Variants in RGP1 observed in about 807,000 individuals in gnomAD.
The protein encoded by RGP1 is RAB6A-GEF complex partner protein 2.
A neutral mutation model predicts 44.5 loss-of-function variants in RGP1; 28 were observed. The observed-to-expected ratio is 0.63, with a 90% CI of 0.47 to 0.86. The LOEUF (loss-of-function observed/expected upper bound fraction) is 0.86. Ranked by LOEUF, RGP1 falls within the 40% of genes least tolerant of loss-of-function variation. The pLI is 0.00. For missense variants in RGP1, 417 were observed against 490.7 expected (o/e 0.85, Z 1.42); for synonymous variants, 212 against 196.7 (o/e 1.08, Z -0.65).
rs1827207232 is a variant in RGP1 at position 35,749,933 on chromosome 9, C to A, written c.116+62C>A. The A allele has an allele frequency of 3.1e-6, 4 of 1,292,664 alleles. No homozygotes were observed. Among genetic ancestry groups the A allele is most frequent in the African/African-American group, 3.0e-5 (2 of 67,552 alleles). 80.1% of individuals were successfully genotyped at this position (1,292,664 alleles called of 1,614,324 possible). On this transcript the variant is annotated intron_variant, in intron 2 of 8. Transcript: ENST00000378078. The surrounding 1 kb of genome is among the most constrained non-coding windows in gnomAD (Gnocchi z 4.4). ...GGAAGAAGCCAGATTATCTCTGGGGCTGAGGCAGAGCTCAGGTTGTCCTGT... is the reference window on the plus strand; with the variant it reads ...GGAAGAAGCCAGATTATCTCTGGGGATGAGGCAGAGCTCAGGTTGTCCTGT...
At chr9:35,774,206 A>G in the RGP1 span, among the ~76,000 whole-genome samples, 1 of 152,284 alleles carries the variant, frequency 6.6e-6, no homozygotes, top group Non-Finnish European at 1.5e-5. Context: ...CCCCAGTTCT[A>G]CCACTGCTGG....
At chr9:35,771,825 A>G in the RGP1 span, among the ~76,000 whole-genome samples, 1 of 152,208 alleles carries the variant, frequency 6.6e-6, no homozygotes, top group African/African-American at 2.4e-5. Context: ...TTTTTTCTCT[A>G]TCTTCCGTTT....
the RGP1 span, among the ~76,000 whole-genome samples, chr9:35,770,638 T>G: frequency 6.6e-6 from 1 of 151,996 alleles, no homozygotes; most frequent in Non-Finnish European, 1.5e-5. Context: ...GAGAAAGAGC[T>G]GCCAGCTGGT....
At position 35,750,744 on chromosome 9, in the gene RGP1, G is replaced by A; in HGVS notation, c.337+3G>A. ...TGATCCTGGAGAGTCCAAATCATGT[G>A]AGTGATTGTCCCCATCCCTGAATTG... is the stretch of plus-strand genomic sequence containing the variant. On this transcript the variant is annotated splice_donor_region_variant and intron_variant, in intron 4 of 8. Coordinates refer to ENST00000378078, the MANE Select transcript of RGP1 (RefSeq NM_001080496.3). 2 of 1,613,896 alleles carry A rather than the reference G, an allele frequency of 1.2e-6. No homozygotes were observed. The highest frequency in any genetic ancestry group is 1.1e-5 in the South Asian group (1 of 91,080).
chr9:35,750,670 A>G lies in RGP1; in HGVS notation c.266A>G (p.Gln89Arg). The change falls in exon 4 of 9, where the codon CAG becomes CGG. Residue 89 changes from glutamine (Q) to arginine (R), a missense_variant. Physicochemically the swap from Gln to Arg is conservative, Grantham distance 43. Coordinates refer to ENST00000378078, the MANE Select transcript of RGP1 (RefSeq NM_001080496.3). ...VFLPHRGERG[Q>R]CILSTPPKIL... ...TTACCTTTTTCAGGTGAGAGGGGCC[A>G]GTGTATCCTTTCTACTCCACCGAAA... is the stretch of plus-strand genomic sequence containing the variant. 1.2e-6 allele frequency: 2 copies of G among 1,613,960 alleles called. No homozygotes were observed.
the RGP1 span, among the ~76,000 whole-genome samples, chr9:35,767,019 A>C: frequency 1.3e-5 from 2 of 152,214 alleles, no homozygotes; most frequent in African/African-American, 4.8e-5. Flanking sequence ...GTGATTTCTC[A>C]AAACCTCAGT....
the RGP1 span, among the ~76,000 whole-genome samples, chr9:35,782,260 C>T: frequency 2.0e-5 from 3 of 151,800 alleles, no homozygotes; most frequent in African/African-American, 4.8e-5. Flanking sequence ...GTAAAGGTGC[C>T]GTTAGAAAAT....
rs1588032952 is a variant in RGP1 at position 35,749,328 on chromosome 9, G to A, written c.-100G>A. 1 of 528,792 alleles carries A rather than the reference G, an allele frequency of 1.9e-6. No individual in the cohort carries two copies. The highest frequency in any genetic ancestry group is 1.4e-5 in the South Asian group (1 of 70,988). The allele number at this position is 528,792 out of a possible 1,614,324, so 32.8% of individuals were successfully genotyped here. ...CCCAGCGGACGCCGCCGCCGCCGCCGCCGCCGCGTACCTAGCCAGGTCCCT... is the reference window on the plus strand; with the variant it reads ...CCCAGCGGACGCCGCCGCCGCCGCCACCGCCGCGTACCTAGCCAGGTCCCT... On this transcript the variant is annotated 5_prime_UTR_variant, in exon 1 of 9. Coordinates refer to ENST00000378078, the MANE Select transcript of RGP1 (RefSeq NM_001080496.3). This position sits in a 1 kb window ranked among gnomAD's most constrained non-coding sequence, Gnocchi z 4.4.
chr9:35,751,510 A>G (rs1334708821), intron 6 of RGP1, 98 bp downstream of exon 6: 2 of 1,595,782 alleles, frequency 1.3e-6, no homozygotes, highest in East Asian at 2.2e-5. Flanking sequence ...CTGTGGATCC[A>G]CTGATACCTG....
At chr9:35,789,635 G>A in the RGP1 span, among the ~76,000 whole-genome samples, 8,322 of 149,682 alleles carry the variant, frequency 0.056, 458 homozygotes, top group African/African-American at 0.14. Context: ...TCAGAATAAT[G>A]ACATATGATG....
chr9:35,787,486 T>A, the RGP1 span, among the ~76,000 whole-genome samples: 1 of 152,218 alleles, frequency 6.6e-6, no homozygotes, highest in Non-Finnish European at 1.5e-5. Context: ...TGCCTTGGCC[T>A]CCCAAAGTGC....
rs758848388 is a variant in RGP1 at position 35,753,307 on chromosome 9, G to A, written c.*433G>A. The A allele has an allele frequency of 1.2e-6, 2 of 1,606,468 alleles. No homozygotes were observed. Among genetic ancestry groups the A allele is most frequent in the East Asian group, 2.2e-5 (1 of 44,826 alleles). ...TGGGGAACCAAGGATAGGGGAAGGA[G>A]TCAGCACAGTGAAAGGCTGCCTTTA... On this transcript the variant is annotated 3_prime_UTR_variant, in exon 9 of 9. Coordinates refer to ENST00000378078, the MANE Select transcript of RGP1 (RefSeq NM_001080496.3). This position sits in a 1 kb window ranked among gnomAD's most constrained non-coding sequence, Gnocchi z 4.2.
the RGP1 span, chr9:35,772,291 A>C: frequency 1.3e-5 from 2 of 152,268 alleles, no homozygotes; most frequent in African/African-American, 4.8e-5. Context: ...GCTCAGAGGA[A>C]GAAGAGGATC....
Position 35,751,674 on chromosome 9 carries a change from A to G in RGP1, c.682A>G (p.Ile228Val), listed in dbSNP as rs1276676227. ...DGRGKVGTFG[I>V]FKSVYRLGED... Reference sequence around the variant, plus strand: ...CCGAGGGAAAGTTGGGACGTTTGGCATCTTCAAATCTGTGTACAGACTTGG... The same window carrying G: ...CCGAGGGAAAGTTGGGACGTTTGGCGTCTTCAAATCTGTGTACAGACTTGG... Residue 228 changes from isoleucine (I) to valine (V), a missense_variant, in exon 7 of 9, where the codon ATC becomes GTC. Transcript: ENST00000378078. The G allele has an allele frequency of 5.6e-6, 9 of 1,613,868 alleles. No individual in the cohort carries two copies. Among genetic ancestry groups the G allele is most frequent in the Non-Finnish European group, 7.6e-6 (9 of 1,179,884 alleles).
At chr9:35,766,147 TAA>T in the RGP1 span, among the ~76,000 whole-genome samples, 232 of 125,086 alleles carry the variant, frequency 1.9e-3, no homozygotes, top group Non-Finnish European at 2.4e-3. Context: ...GTCAGTTTCT[TAA>T]AAAAAAAAAA....
the RGP1 span, among the ~76,000 whole-genome samples, chr9:35,776,103 G>C: frequency 6.6e-6 from 1 of 152,172 alleles, no homozygotes; most frequent in Non-Finnish European, 1.5e-5. Context: ...AGACAGTTTA[G>C]CTACCCTCAG....
the RGP1 span, among the ~76,000 whole-genome samples, chr9:35,783,417 ACTC>A: frequency 6.6e-6 from 1 of 151,466 alleles, no homozygotes; most frequent in Non-Finnish European, 1.5e-5. Flanking sequence ...ACTGGAACTT[ACTC>A]CTCCTGTCTA....
At chr9:35,778,102 C>A in the RGP1 span, among the ~76,000 whole-genome samples, 3 of 152,094 alleles carry the variant, frequency 2.0e-5, no homozygotes, top group Non-Finnish European at 2.9e-5. Flanking sequence ...GAGTTTGAGA[C>A]CAGCCTGATC....
chr9:35,778,159 G>A, the RGP1 span, among the ~76,000 whole-genome samples: 57 of 152,080 alleles, frequency 3.7e-4, no homozygotes, highest in African/African-American at 1.3e-3. Flanking sequence ...AAAATTGGCC[G>A]GGCGTGGTGG....
Sources: gnomAD v4.1 joint callset for allele counts (sites outside exome capture counted in the v4.1 genomes callset) on GRCh38, gnomAD v4.1.1 for gene constraint, Gnocchi (gnomAD v3.1) non-coding constraint, MANE v1.5 for transcripts, NCBI Gene and HGNC (gene_info 2026-07-23, HGNC 2026-07-21) for gene names.